ARSB: variants seen among roughly 807,000 people sequenced by gnomAD.
ARSB encodes the protein arylsulfatase B.
Under a neutral mutation model 50.9 loss-of-function variants are expected in ARSB, and 41 were observed. The observed-to-expected ratio is 0.81, with a 90% CI of 0.63 to 1.04. The LOEUF (loss-of-function observed/expected upper bound fraction) is 1.04. Among genes scored for constraint, ARSB ranks in the 50% least tolerant of loss-of-function variants. The pLI, the probability that ARSB is intolerant of heterozygous loss-of-function variation, is 0.00. For synonymous variants in ARSB, 269 were observed against 284.8 expected, an observed-to-expected ratio of 0.94 and a Z score of 0.56; for missense variants, 672 against 693.3, an observed-to-expected ratio of 0.97 and a Z score of 0.35.
intron 6 of ARSB, among the ~76,000 whole-genome samples, chr5:78,782,422 C>T (rs1748952788): frequency 6.6e-6 from 1 of 152,180 alleles, no homozygotes; most frequent in East Asian, 1.9e-4. Context: ...AGAGTTCATG[C>T]ATGCCATGAT....
chr5:78,912,585 G>A (rs1749355781), intron 4 of ARSB, among the ~76,000 whole-genome samples: 2 of 152,234 alleles, frequency 1.3e-5, no homozygotes, highest in Admixed American at 6.5e-5. Context: ...ATTTGCTGCG[G>A]TGGTTTCAGG....
intron 3 of ARSB, among the ~76,000 whole-genome samples, chr5:78,960,176 C>T (rs956359347): frequency 6.6e-6 from 1 of 152,120 alleles, no homozygotes; most frequent in Non-Finnish European, 1.5e-5. Flanking sequence ...TACATAAAAG[C>T]AAGACATTAT....
Position 78,881,176 on chromosome 5 carries a change from G to A in ARSB, c.1142+4408C>T, listed in dbSNP as rs575989172. 1.4e-3 allele frequency among the ~76,000 whole-genome samples: 208 copies of A among 151,848 alleles called. 2 individuals carry two copies. The highest frequency in any genetic ancestry group is 1.7e-3 in the Non-Finnish European group (118 of 68,018). ...GAACCCAGGAGGCAGAGATCGCAGTGAGCCAAGATCATATCACTGCACTCC... is the reference window on the plus strand; with the variant it reads ...GAACCCAGGAGGCAGAGATCGCAGTAAGCCAAGATCATATCACTGCACTCC... On this transcript the variant is annotated intron_variant, in intron 5 of 7. Transcript: ENST00000264914.
In ARSB at chr5:78,780,039, G is replaced by A; in HGVS notation, c.*358C>T. ...TTCACTCCAATAAAACTGGCTATTG[G>A]CAGAGGGGAATCGAACGTCTGACTT... On this transcript the variant is annotated 3_prime_UTR_variant, in exon 8 of 8. Coordinates refer to ENST00000264914, the MANE Select transcript of ARSB (RefSeq NM_000046.5). The A allele has an allele frequency of 3.2e-6, 1 of 310,084 alleles. No homozygotes were observed. The highest frequency in any genetic ancestry group is 6.2e-6 in the Non-Finnish European group (1 of 160,680). 19.2% of individuals were successfully genotyped at this position (310,084 alleles called of 1,614,324 possible).
intron 4 of ARSB, among the ~76,000 whole-genome samples, chr5:78,944,366 A>G (rs1751105829): frequency 1.3e-5 from 2 of 151,776 alleles, no homozygotes; most frequent in African/African-American, 4.8e-5. Context: ...GATTTTTAGA[A>G]TTTTCAGTTT....
chr5:78,943,816 T>C (rs527615431), intron 4 of ARSB, among the ~76,000 whole-genome samples: 9 of 152,366 alleles, frequency 5.9e-5, no homozygotes, highest in Non-Finnish European at 1.3e-4. Flanking sequence ...TGAATCTGAA[T>C]GTTGGCCTGC....
chr5:78,780,897 G>T (rs1376731576), intron 7 of ARSB, among the ~76,000 whole-genome samples: 1 of 152,210 alleles, frequency 6.6e-6, no homozygotes, highest in African/African-American at 2.4e-5. Context: ...ATGTGTGTAT[G>T]TCCTTGTCAC....
At chr5:78,978,625 A>G (rs1056158840) in intron 1 of ARSB, among the ~76,000 whole-genome samples, 14 of 152,360 alleles carry the variant, frequency 9.2e-5, no homozygotes, top group Admixed American at 5.9e-4. Context: ...ACAAAGCTAC[A>G]GCAATCAAGA....
intron 3 of ARSB, among the ~76,000 whole-genome samples, chr5:78,961,828 G>A (rs920936584): frequency 6.6e-6 from 1 of 151,926 alleles, no homozygotes; most frequent in Non-Finnish European, 1.5e-5. Context: ...GGCTGTCACT[G>A]CACCAGGTGT....
At chr5:78,973,984 T>C (rs1252066450) in intron 1 of ARSB, among the ~76,000 whole-genome samples, 1 of 152,190 alleles carries the variant, frequency 6.6e-6, no homozygotes, top group Non-Finnish European at 1.5e-5. Flanking sequence ...GGAAGCTTCA[T>C]GATCAGAACG....
chr5:78,858,584 T>C (rs1581052260), intron 5 of ARSB, among the ~76,000 whole-genome samples: 1 of 152,222 alleles, frequency 6.6e-6, no homozygotes, highest in African/African-American at 2.4e-5. Context: ...TGGTATTACA[T>C]TCCATACTTC....
At chr5:78,858,635 C>T (rs1035084051) in intron 5 of ARSB, among the ~76,000 whole-genome samples, 1 of 152,182 alleles carries the variant, frequency 6.6e-6, no homozygotes, top group African/African-American at 2.4e-5. Context: ...AAAAGACACA[C>T]CCTGAAAGGC....
chr5:78,804,043 A>AGGCACCCAAAT (rs1446792731), intron 6 of ARSB, among the ~76,000 whole-genome samples: 1 of 152,204 alleles, frequency 6.6e-6, no homozygotes, highest in African/African-American at 2.4e-5. Context: ...AGGTATAAGC[A>AGGCACCCAAAT]GGCACCCAAA....
At chr5:78,849,651 C>A (rs1436404379) in intron 5 of ARSB, among the ~76,000 whole-genome samples, 2 of 150,792 alleles carry the variant, frequency 1.3e-5, no homozygotes, top group East Asian at 3.9e-4. Flanking sequence ...TTACCTTGGG[C>A]AGTATGGCCA....
intron 4 of ARSB, among the ~76,000 whole-genome samples, chr5:78,940,765 C>A (rs537173240): frequency 2.0e-5 from 3 of 152,072 alleles, no homozygotes; most frequent in Admixed American, 1.3e-4. Flanking sequence ...CTTGGCAATG[C>A]GGGCTCATTT....
rs80195416 is a variant in ARSB, at chr5:78,860,341, C to T, written c.1143-20915G>A. On this transcript the variant is annotated intron_variant, in intron 5 of 7. Transcript: ENST00000264914. The stretch of plus-strand genomic sequence containing the variant: ...GTGCATATATATTTAGGATAGCTAG[C>T]TCTTCTTGCTGAATTGAAGTAAAGC... Among the ~76,000 whole-genome samples the T allele has an allele frequency of 8.7e-3, 1,318 of 152,078 alleles. 26 individuals carry two copies. The highest frequency in any genetic ancestry group is 0.03 in the African/African-American group (1,265 of 41,514).
intron 5 of ARSB, among the ~76,000 whole-genome samples, chr5:78,847,913 C>A (rs1184949991): frequency 1.3e-5 from 2 of 151,922 alleles, no homozygotes; most frequent in Admixed American, 1.3e-4. Flanking sequence ...GCAATGTCTC[C>A]TTTTTTGTTG....
At chr5:78,813,669 ATC>A (rs1743893024) in intron 6 of ARSB, among the ~76,000 whole-genome samples, 2 of 152,100 alleles carry the variant, frequency 1.3e-5, no homozygotes, top group South Asian at 4.1e-4. Context: ...AGGTGGGAGG[ATC>A]ACTTGAGCCA....
intron 2 of ARSB, among the ~76,000 whole-genome samples, chr5:78,967,250 G>A (rs1234612136): frequency 6.6e-6 from 1 of 152,114 alleles, no homozygotes; most frequent in African/African-American, 2.4e-5. Context: ...TCTCCCAAAG[G>A]AGAAATTTCT....
Sources: allele counts gnomAD v4.1 joint callset (sites outside exome capture counted in the v4.1 genomes callset), GRCh38; gene constraint gnomAD v4.1.1; transcripts MANE v1.5; gene names NCBI Gene and HGNC (gene_info 2026-07-23, HGNC 2026-07-21).